ATXN1: variants seen among roughly 807,000 people sequenced by gnomAD.
ATXN1 encodes the protein ataxin-1.
A neutral mutation model predicts 56.4 loss-of-function variants in ATXN1; 8 were observed. That is an observed-to-expected ratio of 0.14 (90% CI 0.08 to 0.26). ATXN1 has a LOEUF of 0.26. Ranked by LOEUF, ATXN1 falls within the 10% of genes least tolerant of loss-of-function variation. The pLI is 1.00. For missense variants in ATXN1, 987 were observed against 1,106.5 expected (o/e 0.89, Z 1.53); for synonymous variants, 514 against 494.6 (o/e 1.04, Z -0.52).
intron 4 of ATXN1, among the ~76,000 whole-genome samples, chr6:16,563,433 C>G (rs1272754653): frequency 6.6e-6 from 1 of 152,134 alleles, no homozygotes; most frequent in African/African-American, 2.4e-5. Context: ...CACAGTTAAA[C>G]TTTCAAGCCA....
intron 4 of ATXN1, among the ~76,000 whole-genome samples, chr6:16,545,949 T>G (rs1222166918): frequency 6.6e-6 from 1 of 152,214 alleles, no homozygotes; most frequent in Non-Finnish European, 1.5e-5. Flanking sequence ...AGCTATCGTA[T>G]TAGCTGTTAA....
At chr6:16,728,813 T>C (rs1759906677) in intron 2 of ATXN1, among the ~76,000 whole-genome samples, 1 of 152,198 alleles carries the variant, frequency 6.6e-6, no homozygotes, top group Non-Finnish European at 1.5e-5. Context: ...CAACCACAGA[T>C]GAGGGACGCA....
intron 2 of ATXN1, among the ~76,000 whole-genome samples, chr6:16,733,539 G>A (rs966549866): frequency 9.9e-5 from 15 of 151,520 alleles, no homozygotes; most frequent in African/African-American, 1.5e-4. Flanking sequence ...ACTCCAGTTC[G>A]GACAACAGAC....
At chr6:16,581,212 T>C (rs1561765306) in intron 4 of ATXN1, among the ~76,000 whole-genome samples, 1 of 142,384 alleles carries the variant, frequency 7.0e-6, no homozygotes, top group Non-Finnish European at 1.5e-5. Flanking sequence ...TGTGTGTGTG[T>C]GTGTGTGTGT....
At chr6:16,647,503 T>C (rs1029032564) in intron 3 of ATXN1, among the ~76,000 whole-genome samples, 10 of 152,216 alleles carry the variant, frequency 6.6e-5, no homozygotes, top group African/African-American at 2.4e-4. Flanking sequence ...AGAAAACATA[T>C]GGTGGCTGTA....
chr6:16,314,284 CTT>C (rs1036768434), intron 7 of ATXN1, among the ~76,000 whole-genome samples: 37 of 152,286 alleles, frequency 2.4e-4, no homozygotes, highest in African/African-American at 7.7e-4. Flanking sequence ...GCAAATCTAT[CTT>C]TATTTTATAA....
intron 7 of ATXN1, among the ~76,000 whole-genome samples, chr6:16,318,722 C>A (rs768877241): frequency 1.4e-4 from 21 of 152,328 alleles, no homozygotes; most frequent in Non-Finnish European, 2.8e-4. Context: ...CGCCTCCTAA[C>A]ACAAATCCCA....
At chr6:16,427,891 A>G (rs1759190213) in intron 6 of ATXN1, among the ~76,000 whole-genome samples, 1 of 152,220 alleles carries the variant, frequency 6.6e-6, no homozygotes, top group African/African-American at 2.4e-5. Context: ...GAAACACTCT[A>G]TAAAAATTCC....
intron 7 of ATXN1, among the ~76,000 whole-genome samples, chr6:16,317,095 G>C (rs1760530761): frequency 6.6e-6 from 1 of 151,968 alleles, no homozygotes; most frequent in African/African-American, 2.4e-5. Flanking sequence ...AGCTGTGTTA[G>C]TAATCATTAA....
At chr6:16,723,414 T>G (rs954026643) in intron 2 of ATXN1, among the ~76,000 whole-genome samples, 1 of 152,152 alleles carries the variant, frequency 6.6e-6, no homozygotes, top group Non-Finnish European at 1.5e-5. Flanking sequence ...TTACTATAAA[T>G]CAACTATAAA....
chr6:16,514,890 G>A (rs9358095), intron 5 of ATXN1, among the ~76,000 whole-genome samples: 17,267 of 151,832 alleles, frequency 0.11, 1,391 homozygotes, highest in East Asian at 0.37. Flanking sequence ...GGCTGAGGCA[G>A]GTGAATCACT....
At chr6:16,449,502 C>G (rs1288193278) in intron 6 of ATXN1, among the ~76,000 whole-genome samples, 2 of 151,960 alleles carry the variant, frequency 1.3e-5, no homozygotes, top group Non-Finnish European at 2.9e-5. Flanking sequence ...TCTTCTTCTT[C>G]TTGTTTTTTA....
chr6:16,387,551 G>C (rs1020228294), intron 6 of ATXN1, among the ~76,000 whole-genome samples: 1 of 152,190 alleles, frequency 6.6e-6, no homozygotes, highest in African/African-American at 2.4e-5. Context: ...GGGCCATTCT[G>C]AATCCTTAAA....
intron 2 of ATXN1, among the ~76,000 whole-genome samples, chr6:16,663,478 A>G (rs1255430105): frequency 6.6e-6 from 1 of 152,122 alleles, no homozygotes; most frequent in African/African-American, 2.4e-5. Flanking sequence ...TGGCATAGAC[A>G]TGTGAAATAC....
At chr6:16,681,625 A>C (rs1246943362) in intron 2 of ATXN1, among the ~76,000 whole-genome samples, 1 of 152,216 alleles carries the variant, frequency 6.6e-6, no homozygotes, top group African/African-American at 2.4e-5. Context: ...TTTTATTCCC[A>C]TTAGCTCACC....
At chr6:16,727,687 T>G (rs1759880480) in intron 2 of ATXN1, among the ~76,000 whole-genome samples, 1 of 152,174 alleles carries the variant, frequency 6.6e-6, no homozygotes, top group Non-Finnish European at 1.5e-5. Flanking sequence ...CTGTTATTAG[T>G]CTGTGACATT....
chr6:16,416,794 A>G (rs960914489), intron 6 of ATXN1, among the ~76,000 whole-genome samples: 8 of 152,202 alleles, frequency 5.3e-5, no homozygotes, highest in African/African-American at 1.7e-4. Context: ...GCTGGTACAC[A>G]CTGGAATTCC....
intron 4 of ATXN1, among the ~76,000 whole-genome samples, chr6:16,549,368 T>C (rs1292271105): frequency 6.6e-6 from 1 of 152,162 alleles, no homozygotes; most frequent in African/African-American, 2.4e-5. Flanking sequence ...CACTAGGACA[T>C]TACAATGGCT....
chr6:16,327,742 G>T lies in ATXN1; in HGVS notation c.569C>A (p.Thr190Lys). ...LLANMGSLSQ[T>K]PGHKAEQQQQ... Reference sequence around the variant, plus strand: ...CTGCTGCTCAGCCTTGTGTCCCGGCGTCTGGCTCAGACTGCCCATGTTGGC... The same window carrying T: ...CTGCTGCTCAGCCTTGTGTCCCGGCTTCTGGCTCAGACTGCCCATGTTGGC... The change falls in exon 7 of 8, where the codon ACG (threonine) becomes AAG (lysine). Residue 190 changes from threonine to lysine, a missense_variant. By Grantham distance (78) the Thr-to-Lys change is moderately conservative. Coordinates refer to ENST00000436367, the MANE Select transcript of ATXN1 (RefSeq NM_001128164.2). 1 of 1,604,338 alleles carries T rather than the reference G, an allele frequency of 6.2e-7. No homozygotes were observed.
Sources: allele counts gnomAD v4.1 joint callset (sites outside exome capture counted in the v4.1 genomes callset), GRCh38; gene constraint gnomAD v4.1.1; transcripts MANE v1.5; gene names NCBI Gene and HGNC (gene_info 2026-07-23, HGNC 2026-07-21).